ADK: variants seen among roughly 807,000 people sequenced by gnomAD.
ADK encodes N6,N6-dimethyladenosine kinase.
ADK carries 24 observed loss-of-function variants against 44.7 expected under a neutral mutation model. That is an observed-to-expected ratio of 0.54 (90% CI 0.39 to 0.76). ADK has a LOEUF of 0.76. Ranked by LOEUF, ADK falls within the 30% of genes least tolerant of loss-of-function variation. The pLI is 0.00. For synonymous variants in ADK, 128 were observed against 142.6 expected (o/e 0.90, Z 0.73); for missense variants, 321 against 425.1 (o/e 0.76, Z 2.15).
intron 2 of ADK, among the ~76,000 whole-genome samples, chr10:74,203,951 CTTT>C (rs760810639): frequency 2.0e-4 from 19 of 95,826 alleles, no homozygotes; most frequent in African/African-American, 7.5e-4. Flanking sequence ...TTATTTAGGT[CTTT>C]TTTTTTTTTT....
At chr10:74,564,956 G>A (rs1014148270) in intron 7 of ADK, among the ~76,000 whole-genome samples, 2 of 152,078 alleles carry the variant, frequency 1.3e-5, no homozygotes, top group Non-Finnish European at 2.9e-5. Flanking sequence ...TGCTTCTTAG[G>A]ACATGAACAT....
Position 74,334,949 on chromosome 10 carries a change from CT to C in ADK, c.273+20207del, listed in dbSNP as rs372141459. Among the ~76,000 whole-genome samples the C allele has an allele frequency of 2.3e-4, 35 of 152,256 alleles. 1 individual carries two copies. The highest frequency in any genetic ancestry group is 6.8e-3 in the Middle Eastern group (2 of 294). Reference sequence around the variant, plus strand: ...CTTTCCTTAAGTGTCTCTGTCAAGACTTTATTGGGGAAAAGAGGGGAAGACA... The same window carrying C: ...CTTTCCTTAAGTGTCTCTGTCAAGACTTATTGGGGAAAAGAGGGGAAGACA... On this transcript the variant is annotated intron_variant, in intron 4 of 10. Coordinates refer to ENST00000539909, the MANE Select transcript of ADK (RefSeq NM_006721.4).
intron 6 of ADK, among the ~76,000 whole-genome samples, chr10:74,427,637 T>C (rs1447532824): frequency 6.6e-6 from 1 of 151,966 alleles, no homozygotes; most frequent in African/African-American, 2.4e-5. Flanking sequence ...GTAGAGGAAT[T>C]GGATTGGAGG....
intron 7 of ADK, among the ~76,000 whole-genome samples, chr10:74,572,245 T>G (rs1850997062): frequency 6.6e-6 from 1 of 152,220 alleles, no homozygotes; most frequent in Non-Finnish European, 1.5e-5. Context: ...AAGTATTTTA[T>G]TTCTCCTTCA....
chr10:74,539,082 A>C, intron 7 of ADK, among the ~76,000 whole-genome samples: 1 of 152,144 alleles, frequency 6.6e-6, no homozygotes, highest in Non-Finnish European at 1.5e-5. Flanking sequence ...TTTTCTGTGC[A>C]CTGGAGCACA....
chr10:74,702,524 T>TTTCCTTCCTTCCTTCC (rs59918097), intron 10 of ADK, among the ~76,000 whole-genome samples: 16,081 of 120,666 alleles, frequency 0.13, 1,607 homozygotes, highest in Non-Finnish European at 0.16. Context: ...TCCTTCCTTC[T>TTTCCTTCCTTCCTTCC]TTCCTTCCTT....
At chr10:74,334,976 C>G (rs1012091164) in intron 4 of ADK, among the ~76,000 whole-genome samples, 1 of 152,190 alleles carries the variant, frequency 6.6e-6, no homozygotes, top group East Asian at 1.9e-4. Flanking sequence ...GGGGAAGACA[C>G]TTACCAACTC....
At chr10:74,597,674 C>T (rs1007789300) in intron 8 of ADK, among the ~76,000 whole-genome samples, 1 of 152,110 alleles carries the variant, frequency 6.6e-6, no homozygotes, top group African/African-American at 2.4e-5. Flanking sequence ...AGTGATGTTC[C>T]TTTCTTGGTG....
chr10:74,349,602 T>A (rs1263440568), intron 4 of ADK, among the ~76,000 whole-genome samples: 6 of 152,156 alleles, frequency 3.9e-5, no homozygotes, highest in African/African-American at 1.4e-4. Context: ...ATGCCCCAAT[T>A]AAAAGACACG....
intron 3 of ADK, among the ~76,000 whole-genome samples, chr10:74,258,291 G>C (rs1490466160): frequency 6.6e-6 from 1 of 151,976 alleles, no homozygotes; most frequent in African/African-American, 2.4e-5. Context: ...TAGCCTAAAA[G>C]GTCAATATTA....
At chr10:74,269,932 A>G (rs566652512) in intron 3 of ADK, among the ~76,000 whole-genome samples, 1 of 152,306 alleles carries the variant, frequency 6.6e-6, no homozygotes, top group Admixed American at 6.5e-5. Context: ...CAGGAGGTGG[A>G]AATTGCAGTG....
chr10:74,548,820 A>T (rs1849928918), intron 7 of ADK, among the ~76,000 whole-genome samples: 1 of 152,220 alleles, frequency 6.6e-6, no homozygotes, highest in South Asian at 2.1e-4. Flanking sequence ...GAGTAAATGA[A>T]TTTGCACTAT....
At chr10:74,450,755 T>G (rs1845743949) in intron 6 of ADK, among the ~76,000 whole-genome samples, 1 of 152,194 alleles carries the variant, frequency 6.6e-6, no homozygotes, top group Non-Finnish European at 1.5e-5. Flanking sequence ...GCAAGGCATA[T>G]TAATAGCTTT....
At chr10:74,380,467 A>G (rs190038707) in intron 4 of ADK, among the ~76,000 whole-genome samples, 162 of 152,214 alleles carry the variant, frequency 1.1e-3, no homozygotes, top group Middle Eastern at 3.4e-3. Context: ...CATGAGAAGA[A>G]TAGTTCTTCT....
At chr10:74,297,063 G>T (rs1839844500) in intron 3 of ADK, among the ~76,000 whole-genome samples, 1 of 152,144 alleles carries the variant, frequency 6.6e-6, no homozygotes, top group Admixed American at 6.5e-5. Context: ...CCACTAAAAG[G>T]CAATAGACTG....
intron 10 of ADK, among the ~76,000 whole-genome samples, chr10:74,694,582 G>A (rs777452908): frequency 7.9e-5 from 12 of 152,058 alleles, no homozygotes; most frequent in Admixed American, 1.3e-4. Flanking sequence ...CTGGGCTCAA[G>A]CAGTCCCCAC....
rs141803248 is a variant in ADK at position 74,518,608 on chromosome 10, C to T, written c.556-6648C>T. ...ATGGTTAAATTGGGGTGAAAACTTA[C>T]GGATATTTCTTACAATTTATTTTTC... On this transcript the variant is annotated intron_variant, in intron 6 of 10. Coordinates refer to ENST00000539909, the MANE Select transcript of ADK (RefSeq NM_006721.4). 3.0e-4 allele frequency among the ~76,000 whole-genome samples: 45 copies of T among 152,228 alleles called. 1 individual carries two copies. The highest frequency in any genetic ancestry group is 1.9e-3 in the East Asian group (10 of 5,186).
chr10:74,375,896 G>A (rs1373100306), intron 4 of ADK, among the ~76,000 whole-genome samples: 6 of 151,952 alleles, frequency 3.9e-5, no homozygotes, highest in African/African-American at 1.5e-4. Flanking sequence ...TTTCATTTGT[G>A]TGGGGTTTTT....
chr10:74,564,849 G>A (rs1032580308), intron 7 of ADK, among the ~76,000 whole-genome samples: 15 of 151,822 alleles, frequency 9.9e-5, no homozygotes, highest in Non-Finnish European at 2.2e-4. Context: ...AGAATTAATC[G>A]CCCCTGCCCC....
Sources: allele counts gnomAD v4.1 joint callset (sites outside exome capture counted in the v4.1 genomes callset), GRCh38; gene constraint gnomAD v4.1.1; transcripts MANE v1.5; gene names NCBI Gene and HGNC (gene_info 2026-07-23, HGNC 2026-07-21).